The following FHIT variants were observed in gnomAD, a reference collection of about 807,000 sequenced individuals.
FHIT encodes the protein fragile histidine triad diadenosine triphosphatase.
FHIT carries 19 observed loss-of-function variants against 17.9 expected under a neutral mutation model. That is an observed-to-expected ratio of 1.06 (90% CI 0.74 to 1.56). FHIT has a LOEUF of 1.56. FHIT is among the 40% of genes most tolerant of loss of function. The pLI, the probability that FHIT is intolerant of heterozygous loss-of-function variation, is 0.00. For missense variants in FHIT, 248 were observed against 189.2 expected (o/e 1.31, Z -1.82); for synonymous variants, 81 against 69.7 (o/e 1.16, Z -0.81).
chr3:60,603,930 A>G (rs2038525681), intron 4 of FHIT, among the ~76,000 whole-genome samples: 2 of 152,128 alleles, frequency 1.3e-5, no homozygotes, highest in African/African-American at 4.8e-5. Flanking sequence ...CTTTATAGGT[A>G]TTTTGTTATT....
chr3:60,704,925 T>C (rs1181485011), intron 4 of FHIT, among the ~76,000 whole-genome samples: 1 of 152,074 alleles, frequency 6.6e-6, no homozygotes, highest in Non-Finnish European at 1.5e-5. Flanking sequence ...AATTAAACTA[T>C]TTAACTGGTG....
At chr3:60,910,138 G>A (rs975522611) in intron 3 of FHIT, among the ~76,000 whole-genome samples, 23 of 152,022 alleles carry the variant, frequency 1.5e-4, no homozygotes, top group Admixed American at 1.4e-3. Context: ...CCATCTCTCC[G>A]CCAGAGATAG....
chr3:60,615,831 G>A (rs2038934709), intron 4 of FHIT, among the ~76,000 whole-genome samples: 1 of 152,144 alleles, frequency 6.6e-6, no homozygotes. Flanking sequence ...CAAAGCTGAT[G>A]GCAAGAACTA....
At position 59,780,444 on chromosome 3, in the gene FHIT, A is replaced by C. The variant is rs570168828; in HGVS notation, c.349-28123T>G. Among the ~76,000 whole-genome samples the C allele has an allele frequency of 4.1e-4, 63 of 152,322 alleles. 1 individual carries two copies. The highest frequency in any genetic ancestry group is 1.5e-3 in the African/African-American group (63 of 41,584). ...GGTTCCTTCTCTATGTACAGGAATG[A>C]ATCAGGAGAGCACACTGGCTCTACC... On this transcript the variant is annotated intron_variant, in intron 8 of 9. Transcript: ENST00000492590.
At chr3:61,054,945 G>A (rs1295574221) in intron 2 of FHIT, among the ~76,000 whole-genome samples, 2 of 152,070 alleles carry the variant, frequency 1.3e-5, no homozygotes, top group African/African-American at 2.4e-5. Flanking sequence ...CCTGGTTAGG[G>A]CCCACTCATC....
chr3:60,639,665 T>TA (rs1342494319), intron 4 of FHIT, among the ~76,000 whole-genome samples: 4 of 152,164 alleles, frequency 2.6e-5, no homozygotes, highest in African/African-American at 9.7e-5. Context: ...TGCAAGAAGA[T>TA]AAAATCCACA....
intron 2 of FHIT, among the ~76,000 whole-genome samples, chr3:61,082,594 A>G (rs2035175034): frequency 6.6e-6 from 1 of 152,124 alleles, no homozygotes; most frequent in Non-Finnish European, 1.5e-5. Flanking sequence ...AGGGCCTACA[A>G]TTGTTTTTCA....
intron 5 of FHIT, among the ~76,000 whole-genome samples, chr3:60,073,140 T>C (rs866339857): frequency 6.6e-6 from 1 of 152,196 alleles, no homozygotes; most frequent in Non-Finnish European, 1.5e-5. Flanking sequence ...AAGTGACTGA[T>C]TGTGTTAGCA....
chr3:61,197,346 C>A (rs1039345206), intron 2 of FHIT, among the ~76,000 whole-genome samples: 1 of 152,172 alleles, frequency 6.6e-6, no homozygotes, highest in Non-Finnish European at 1.5e-5. Context: ...AGTCACAAAG[C>A]TAGCAAATGG....
chr3:60,946,506 G>T (rs1708644647), intron 3 of FHIT, among the ~76,000 whole-genome samples: 1 of 152,142 alleles, frequency 6.6e-6, no homozygotes, highest in Non-Finnish European at 1.5e-5. Flanking sequence ...GAGGTAGGGA[G>T]AGATATTTGC....
At chr3:59,920,446 C>G (rs1705346242) in intron 8 of FHIT, among the ~76,000 whole-genome samples, 1 of 152,124 alleles carries the variant, frequency 6.6e-6, no homozygotes. Context: ...GTGGGGCCAT[C>G]AGAGCATGCA....
intron 5 of FHIT, among the ~76,000 whole-genome samples, chr3:60,383,905 G>T (rs1260352865): frequency 6.6e-6 from 1 of 151,878 alleles, no homozygotes; most frequent in Non-Finnish European, 1.5e-5. Context: ...TTGCAAAAAA[G>T]CAAAAACATG....
At chr3:60,603,972 A>G (rs2038526553) in intron 4 of FHIT, among the ~76,000 whole-genome samples, 1 of 152,124 alleles carries the variant, frequency 6.6e-6, no homozygotes. Context: ...GGTAATAATA[A>G]TAATGGTGAC....
chr3:60,296,921 C>CAAAA (rs34680230), intron 5 of FHIT, among the ~76,000 whole-genome samples: 1 of 115,268 alleles, frequency 8.7e-6, no homozygotes, highest in Non-Finnish European at 2.0e-5. Flanking sequence ...TTTATTTTTG[C>CAAAA]AAAAAAAAAA....
chr3:60,081,778 T>A (rs182053731), intron 5 of FHIT, among the ~76,000 whole-genome samples: 2 of 152,130 alleles, frequency 1.3e-5, no homozygotes, highest in Non-Finnish European at 2.9e-5. Flanking sequence ...AGGACCCTAA[T>A]CAGAGAGAGT....
At chr3:60,041,756 C>T (rs899559078) in intron 5 of FHIT, among the ~76,000 whole-genome samples, 1 of 152,184 alleles carries the variant, frequency 6.6e-6, no homozygotes. Context: ...TACCTTCATA[C>T]ATGAAATTGC....
Position 60,011,276 on chromosome 3 carries a change from T to C in FHIT, c.279+95A>G, listed in dbSNP as rs966071378. On this transcript the variant is annotated intron_variant, in intron 7 of 9. Coordinates refer to ENST00000492590, the MANE Select transcript of FHIT (RefSeq NM_002012.4). The stretch of plus-strand genomic sequence containing the variant: ...CTCTCTGACCTCGAAGATAACATAA[T>C]GAAACAGCAATGTGCTGCATATGAC... 13 of 1,176,352 alleles carry C rather than the reference T, an allele frequency of 1.1e-5. No individual in the cohort carries two copies. The African/African-American group carries it at 2.0e-4, about 18-fold the overall frequency. The allele number at this position is 1,176,352 out of a possible 1,614,324, so 72.9% of individuals were successfully genotyped here. A position where few individuals can be genotyped will look rare whatever the true frequency, so the allele number is the denominator to read the frequency against.
intron 5 of FHIT, among the ~76,000 whole-genome samples, chr3:60,331,673 C>T (rs1359768035): frequency 1.3e-5 from 2 of 151,978 alleles, no homozygotes; most frequent in Non-Finnish European, 2.9e-5. Context: ...ATGGAGAAAC[C>T]TCGTATCTGC....
At chr3:60,049,267 T>C (rs1158086911) in intron 5 of FHIT, among the ~76,000 whole-genome samples, 3 of 152,206 alleles carry the variant, frequency 2.0e-5, no homozygotes, top group Admixed American at 6.5e-5. Context: ...AGAATATGTA[T>C]GTGTACCTCT....
Sources: gnomAD v4.1 joint callset for allele counts (sites outside exome capture counted in the v4.1 genomes callset) on GRCh38, gnomAD v4.1.1 for gene constraint, MANE v1.5 for transcripts, NCBI Gene and HGNC (gene_info 2026-07-23, HGNC 2026-07-21) for gene names.